Variants in ZNF462 observed in about 807,000 individuals in gnomAD.
ZNF462 encodes zinc finger protein 462, also known as zinc finger PBX1-interacting protein.
Under a neutral mutation model 201.9 loss-of-function variants are expected in ZNF462, and 10 were observed. That is an observed-to-expected ratio of 0.05 (90% CI 0.03 to 0.08). The LOEUF (loss-of-function observed/expected upper bound fraction) is 0.08. ZNF462 is among the 10% of genes least tolerant of loss of function. The pLI, the probability that ZNF462 is intolerant of heterozygous loss-of-function variation, is 1.00. For missense variants in ZNF462, 2,523 were observed against 3,168.3 expected (o/e 0.80, Z 4.89); for synonymous variants, 1,227 against 1,193.3 (o/e 1.03, Z -0.58).
rs1248559297 is a variant in ZNF462, at chr9:106,963,798, T to C, written c.6428-8207T>C. On this transcript the variant is annotated intron_variant, in intron 7 of 12. Transcript: ENST00000277225. The surrounding 1 kb of genome is among the most constrained non-coding windows in gnomAD (Gnocchi z 4.7). ...ACAGCAGATCTCTAGAACTCTTTCA[T>C]CTTACACGACTGAAACTCTATATCC... Among the ~76,000 whole-genome samples the C allele has an allele frequency of 6.6e-6, 1 of 152,042 alleles. No individual in the cohort carries two copies. The highest frequency in any genetic ancestry group is 1.5e-5 in the Non-Finnish European group (1 of 67,962).
chr9:106,961,175 G>A (rs1453258295), intron 7 of ZNF462, among the ~76,000 whole-genome samples: 2 of 151,992 alleles, frequency 1.3e-5, no homozygotes, highest in Admixed American at 6.6e-5. Flanking sequence ...CTACTGATGG[G>A]TGAAAAAAAT....
chr9:106,925,104 G>A lies in ZNF462; in HGVS notation c.1192G>A (p.Glu398Lys). 3.7e-6 allele frequency: 6 copies of A among 1,614,186 alleles called. No homozygotes were observed. Among genetic ancestry groups the A allele is most frequent in the Non-Finnish European group, 5.1e-6 (6 of 1,180,038 alleles). The change falls in exon 3 of 13, where the codon GAG becomes AAG. Residue 398 changes from glutamate (E) to lysine (K), a missense_variant. Transcript: ENST00000277225. The surrounding 1 kb of genome is among the most constrained non-coding windows in gnomAD (Gnocchi z 7.9). ...TGAAGAGTTAAATGAAATAGACAGTGAGAATGGTTTAAGTGCTATGGATCA... is the reference window on the plus strand; with the variant it reads ...TGAAGAGTTAAATGAAATAGACAGTAAGAATGGTTTAAGTGCTATGGATCA... ...SDEELNEIDS[E>K]NGLSAMDHQT... is the part of the protein sequence containing the mutation.
At chr9:106,904,194 G>A (rs538643626) in intron 1 of ZNF462, among the ~76,000 whole-genome samples, 1 of 152,268 alleles carries the variant, frequency 6.6e-6, no homozygotes, top group Admixed American at 6.5e-5. Context: ...ATTATGCTTA[G>A]TTTTGGGGGA....
intron 7 of ZNF462, among the ~76,000 whole-genome samples, chr9:106,942,446 A>C (rs530418745): frequency 6.6e-6 from 1 of 152,252 alleles, no homozygotes; most frequent in Non-Finnish European, 1.5e-5. Context: ...CAGCACACGA[A>C]TCCTCTATAT....
At chr9:106,909,240 G>GGTGTGAGCCACTGCT (rs1829441017) in intron 1 of ZNF462, among the ~76,000 whole-genome samples, 1 of 151,272 alleles carries the variant, frequency 6.6e-6, no homozygotes, top group African/African-American at 2.4e-5. Context: ...TGGGATTACA[G>GGTGTGAGCCACTGCT]GCCCGTTAAT....
rs976632242 is a variant in ZNF462, at chr9:106,968,140, C to T, written c.6428-3865C>T. ...CCATTGAGAACAGATGCCTAAGACA[C>T]AAGACTCAGACTTTATAATCAGACA... On this transcript the variant is annotated intron_variant, in intron 7 of 12. Coordinates refer to ENST00000277225, the MANE Select transcript of ZNF462 (RefSeq NM_021224.6). The surrounding 1 kb of genome is among the most constrained non-coding windows in gnomAD (Gnocchi z 4.0). 6.6e-6 allele frequency among the ~76,000 whole-genome samples: 1 copy of T among 152,162 alleles called. No homozygotes were observed. The highest frequency in any genetic ancestry group is 2.4e-5 in the African/African-American group (1 of 41,442).
At chr9:106,967,359 C>T (rs1450480681) in intron 7 of ZNF462, among the ~76,000 whole-genome samples, 1 of 152,070 alleles carries the variant, frequency 6.6e-6, no homozygotes, top group Non-Finnish European at 1.5e-5. Context: ...AAGTCTCATT[C>T]TCTCAGGCTT....
Position 106,925,168 on chromosome 9 carries a change from C to T in ZNF462, c.1256C>T (p.Ser419Leu). Residue 419 changes from serine (S) to leucine (L), a missense_variant, in exon 3 of 13, where the codon TCA (serine) becomes TTA (leucine). This residue lies in a region of ZNF462 where 480 missense variants were observed against 544.4 expected (regional missense o/e 0.88). Transcript: ENST00000277225. This position sits in a 1 kb window ranked among gnomAD's most constrained non-coding sequence, Gnocchi z 7.9. ...SGLSAEQLMG[S>L]DGNKLLETKG... ...CTGTCTGCAGAGCAGCTGATGGGCT[C>T]AGATGGCAACAAATTATTGGAGACC... 1 of 1,614,202 alleles carries T rather than the reference C, an allele frequency of 6.2e-7. No individual in the cohort carries two copies. Among genetic ancestry groups the T allele is most frequent in the Non-Finnish European group, 8.5e-7 (1 of 1,180,054 alleles).
At chr9:106,864,110 C>T (rs890449655) in intron 1 of ZNF462, among the ~76,000 whole-genome samples, 6 of 132,420 alleles carry the variant, frequency 4.5e-5, no homozygotes, top group Non-Finnish European at 9.6e-5. Flanking sequence ...CTCTCTCTCT[C>T]CCTCTCCCCG....
In ZNF462 at chr9:107,008,131, C is replaced by T. The variant is rs1258283192; in HGVS notation, c.7190-1414C>T. On this transcript the variant is annotated intron_variant, in intron 11 of 12. Transcript: ENST00000277225. This position sits in a 1 kb window ranked among gnomAD's most constrained non-coding sequence, Gnocchi z 4.8. ...AAAATTAACCCAAGCAGAATCCTCC[C>T]CACCCCCCTCTCATTATGCAGTTGG... Among the ~76,000 whole-genome samples, 1 of 152,078 alleles carries T rather than the reference C, an allele frequency of 6.6e-6. No individual in the cohort carries two copies. The highest frequency in any genetic ancestry group is 2.4e-5 in the African/African-American group (1 of 41,408).
chr9:106,908,152 T>C (rs1829353389), intron 1 of ZNF462, among the ~76,000 whole-genome samples: 1 of 152,114 alleles, frequency 6.6e-6, no homozygotes, highest in Non-Finnish European at 1.5e-5. Context: ...CTTTTGTAGA[T>C]GTCTCACAGA....
chr9:106,878,753 G>A (rs1361122057), intron 1 of ZNF462, among the ~76,000 whole-genome samples: 6 of 152,178 alleles, frequency 3.9e-5, no homozygotes, highest in Non-Finnish European at 5.9e-5. Context: ...TCATTTCTAC[G>A]TCTTTGTGTG....
chr9:106,943,734 C>T (rs1179240356), intron 7 of ZNF462, among the ~76,000 whole-genome samples: 1 of 152,138 alleles, frequency 6.6e-6, no homozygotes, highest in Non-Finnish European at 1.5e-5. Flanking sequence ...TAGGTAAGTA[C>T]TTATTAAATA....
At position 107,007,079 on chromosome 9, in the gene ZNF462, A is replaced by G. The variant is rs1829602121; in HGVS notation, c.7190-2466A>G. 2.0e-5 allele frequency among the ~76,000 whole-genome samples: 3 copies of G among 151,998 alleles called. No homozygotes were observed. In the South Asian group the frequency reaches 6.2e-4, roughly 32 times the overall value. Reference sequence around the variant, plus strand: ...TTGACAGAAAGACTCCTTTTTCTTCATGACGCTCTGTGGCCTTGCCTTTTC... The same window carrying G: ...TTGACAGAAAGACTCCTTTTTCTTCGTGACGCTCTGTGGCCTTGCCTTTTC... On this transcript the variant is annotated intron_variant, in intron 11 of 12. Coordinates refer to ENST00000277225, the MANE Select transcript of ZNF462 (RefSeq NM_021224.6).
In ZNF462 at chr9:106,978,622, C is replaced by G. The variant is rs954177129; in HGVS notation, c.6832+4349C>G. Among the ~76,000 whole-genome samples, 2 of 151,626 alleles carry G rather than the reference C, an allele frequency of 1.3e-5. No individual in the cohort carries two copies. The highest frequency in any genetic ancestry group is 1.3e-4 in the Admixed American group (2 of 15,264). On this transcript the variant is annotated intron_variant, in intron 9 of 12. Transcript: ENST00000277225. This position sits in a 1 kb window ranked among gnomAD's most constrained non-coding sequence, Gnocchi z 4.1. ...AAAATTAAGCCCTGAACTTCTCTTT[C>G]AAGGATGAAGTCAGTGGTAGGACTT... is the stretch of plus-strand genomic sequence containing the variant.
upstream of ZNF462, among the ~76,000 whole-genome samples, chr9:106,861,336 G>A (rs1206092421): frequency 1.3e-5 from 2 of 152,050 alleles, no homozygotes; most frequent in African/African-American, 2.4e-5. Context: ...TTCCTTTATT[G>A]TATGGATTTA....
At position 107,003,572 on chromosome 9, in the gene ZNF462, A is replaced by AGCTCTTGATGTGTTT; in HGVS notation, c.7189+146_7189+147insGCTCTTGATGTGTTT. 3.8e-6 allele frequency: 4 copies of AGCTCTTGATGTGTTT among 1,040,410 alleles called. No homozygotes were observed. The highest frequency in any genetic ancestry group is 5.2e-6 in the Non-Finnish European group (4 of 768,960). 64.4% of individuals were successfully genotyped at this position (1,040,410 alleles called of 1,614,324 possible). On this transcript the variant is annotated intron_variant, in intron 11 of 12. Transcript: ENST00000277225. This position sits in a 1 kb window ranked among gnomAD's most constrained non-coding sequence, Gnocchi z 4.4. ...CAGAACAGACTGACTTAGAAAACAC[A>AGCTCTTGATGTGTTT]TCAAGAGCTGTGTCTTTGTAAACTA...
At chr9:106,989,945 T>C (rs1344675635) in intron 10 of ZNF462, among the ~76,000 whole-genome samples, 1 of 152,168 alleles carries the variant, frequency 6.6e-6, no homozygotes, top group Non-Finnish European at 1.5e-5. Context: ...TCTTGGTTAA[T>C]CTTGCTAATG....
chr9:107,003,024 C>T lies in ZNF462; in HGVS notation c.7057-270C>T, dbSNP rs748618482. 2.8e-4 allele frequency among the ~76,000 whole-genome samples: 42 copies of T among 152,162 alleles called. No homozygotes were observed. Among genetic ancestry groups the T allele is most frequent in the Non-Finnish European group, 5.9e-4 (40 of 68,018 alleles). The stretch of plus-strand genomic sequence containing the variant: ...CCTTCATTTTACTTTTGGTCTCCTG[C>T]GTACTATAGCTCATGTTTCTTCACA... On this transcript the variant is annotated intron_variant, in intron 10 of 12. Coordinates refer to ENST00000277225, the MANE Select transcript of ZNF462 (RefSeq NM_021224.6). This position sits in a 1 kb window ranked among gnomAD's most constrained non-coding sequence, Gnocchi z 4.4.
Sources: gnomAD v4.1 joint callset for allele counts (sites outside exome capture counted in the v4.1 genomes callset) on GRCh38, gnomAD v4.1.1 for gene constraint, gnomAD v4.1.1 regional missense constraint, Gnocchi (gnomAD v3.1) non-coding constraint, MANE v1.5 for transcripts, NCBI Gene and HGNC (gene_info 2026-07-23, HGNC 2026-07-21) for gene names.